ESR1: variants seen among roughly 807,000 people sequenced by gnomAD.
ESR1 encodes estrogen receptor.
ESR1 carries 12 observed loss-of-function variants against 52.7 expected under a neutral mutation model. The ratio of observed to expected loss-of-function variants is 0.23; its 90% confidence interval spans 0.15 to 0.37. The LOEUF (loss-of-function observed/expected upper bound fraction) is 0.37, where lower values mean the gene tolerates loss of function less well. Among genes scored for constraint, ESR1 ranks in the 10% least tolerant of loss-of-function variants. ESR1 has a pLI of 1.00. For missense variants in ESR1, 584 were observed against 779.7 expected (o/e 0.75, Z 2.99); for synonymous variants, 305 against 316.8 (o/e 0.96, Z 0.39).
chr6:151,822,054 G>T (rs1217152534), intron 1 of ESR1, among the ~76,000 whole-genome samples: 2 of 152,080 alleles, frequency 1.3e-5, no homozygotes, highest in Non-Finnish European at 2.9e-5. Flanking sequence ...TATCAGGATA[G>T]AATTTATAAC....
At chr6:151,951,249 T>C (rs535587835) in intron 4 of ESR1, among the ~76,000 whole-genome samples, 1 of 152,066 alleles carries the variant, frequency 6.6e-6, no homozygotes, top group Non-Finnish European at 1.5e-5. Flanking sequence ...TCCAATGTCG[T>C]TTTCCTACAG....
chr6:151,945,202 G>A (rs935697673), intron 4 of ESR1, among the ~76,000 whole-genome samples: 1 of 152,102 alleles, frequency 6.6e-6, no homozygotes, highest in Non-Finnish European at 1.5e-5. Flanking sequence ...TCCAGCCCAG[G>A]TGACAGAGCA....
intron 1 of ESR1, among the ~76,000 whole-genome samples, chr6:151,825,910 CAAAAAAAAA>C (rs3996305): frequency 7.7e-5 from 6 of 78,122 alleles, no homozygotes; most frequent in Admixed American, 1.3e-4. Context: ...GACTCCATCT[CAAAAAAAAA>C]AAAAAAAAAA....
chr6:151,683,306 G>A (rs911852591), intron 1 of ESR1, among the ~76,000 whole-genome samples: 1 of 152,150 alleles, frequency 6.6e-6, no homozygotes, highest in African/African-American at 2.4e-5. Flanking sequence ...AGGCTGCTCA[G>A]TAGCCCTGTA....
chr6:151,868,948 G>T (rs1449706608), intron 2 of ESR1, among the ~76,000 whole-genome samples: 2 of 152,146 alleles, frequency 1.3e-5, no homozygotes, highest in African/African-American at 4.8e-5. Context: ...CAGCTTGAGA[G>T]ACATGCATAT....
Position 152,102,982 on chromosome 6 carries a change from GTTC to G in ESR1, c.*4018_*4020del, listed in dbSNP as rs1368841462. ...AATAAGTGACATTATGCCAGTTTCTGTTCTCTCACAGGTGATAAACAATGCTTT... is the reference window on the plus strand; with the variant it reads ...AATAAGTGACATTATGCCAGTTTCTGTCTCACAGGTGATAAACAATGCTTT... On this transcript the variant is annotated 3_prime_UTR_variant, in exon 8 of 8. Transcript: ENST00000206249. The G allele has an allele frequency of 1.8e-5, 4 of 221,746 alleles. No individual in the cohort carries two copies. The highest frequency in any genetic ancestry group is 3.6e-5 in the Non-Finnish European group (4 of 110,658). The allele number at this position is 221,746 out of a possible 1,614,324, so 13.7% of individuals were successfully genotyped here.
chr6:151,780,276 G>A (rs1386578614), intron 2 of ESR1, among the ~76,000 whole-genome samples: 1 of 151,980 alleles, frequency 6.6e-6, no homozygotes, highest in Non-Finnish European at 1.5e-5. Context: ...GTTGATGGGT[G>A]CAGCAAACCA....
At position 151,968,216 on chromosome 6, in the gene ESR1, A is replaced by G. The variant is rs544852284; in HGVS notation, c.1096+23708A>G. Among the ~76,000 whole-genome samples the G allele has an allele frequency of 3.9e-5, 6 of 152,326 alleles. No homozygotes were observed. In the South Asian group the frequency reaches 1.2e-3, roughly 32 times the overall value. On this transcript the variant is annotated intron_variant, in intron 4 of 7. Transcript: ENST00000206249. ...ATGGTGTTGGGAAAACTGACTAGCC[A>G]TATGCAGAAAACTGAAACTGGACCC...
At chr6:151,857,953 C>T (rs1366450920) in intron 2 of ESR1, among the ~76,000 whole-genome samples, 1 of 152,158 alleles carries the variant, frequency 6.6e-6, no homozygotes, top group Non-Finnish European at 1.5e-5. Flanking sequence ...CCACAGTAAA[C>T]ATCTTTTACT....
At chr6:151,924,025 TTTGA>T (rs1172977106) in intron 3 of ESR1, among the ~76,000 whole-genome samples, 5 of 152,126 alleles carry the variant, frequency 3.3e-5, no homozygotes, top group African/African-American at 1.2e-4. Flanking sequence ...TGTAGTAGTG[TTTGA>T]TTGTTTTAAT....
chr6:151,812,220 G>A (rs1164764003), intron 1 of ESR1, among the ~76,000 whole-genome samples: 4 of 152,208 alleles, frequency 2.6e-5, no homozygotes, highest in African/African-American at 7.2e-5. Context: ...GATTGTATAT[G>A]TGAAAGTGGT....
At chr6:151,861,555 G>A (rs1007332888) in intron 2 of ESR1, among the ~76,000 whole-genome samples, 5 of 152,116 alleles carry the variant, frequency 3.3e-5, no homozygotes, top group Non-Finnish European at 7.3e-5. Flanking sequence ...AACTGTAGAT[G>A]AGCATTGTCC....
At chr6:151,658,490 A>C (rs1582826567) in intron 1 of ESR1, among the ~76,000 whole-genome samples, 1 of 152,232 alleles carries the variant, frequency 6.6e-6, no homozygotes, top group Non-Finnish European at 1.5e-5. Flanking sequence ...CTTATGCACC[A>C]AACTCTATTC....
intron 2 of ESR1, among the ~76,000 whole-genome samples, chr6:151,873,635 C>T (rs1791349335): frequency 1.3e-5 from 2 of 152,150 alleles, no homozygotes; most frequent in Non-Finnish European, 2.9e-5. Flanking sequence ...GTTGTCTGTA[C>T]CTTAACACCT....
At position 152,111,776 on chromosome 6, in the gene ESR1, A is replaced by G. The variant is rs2051139133; in HGVS notation, c.851-13490A>G. On this transcript the variant is annotated intron_variant, in intron 6 of 6. Coordinates refer to the ESR1 transcript ENST00000427531. ...CGGTAGCTGCTTTACACGTGGTCTC[A>G]GTGCCTTGAGGACGCCAGGCGCAGA... Among the ~76,000 whole-genome samples, 3 of 152,260 alleles carry G rather than the reference A, an allele frequency of 2.0e-5. No homozygotes were observed. In the South Asian group the frequency reaches 6.2e-4, roughly 32 times the overall value.
At chr6:152,038,897 G>A (rs1038470862) in intron 5 of ESR1, among the ~76,000 whole-genome samples, 3 of 151,982 alleles carry the variant, frequency 2.0e-5, no homozygotes, top group African/African-American at 7.3e-5. Flanking sequence ...CCAAAGTGGT[G>A]GATCCCAAAG....
At chr6:151,788,956 G>A (rs1194216484) in intron 2 of ESR1, among the ~76,000 whole-genome samples, 1 of 152,200 alleles carries the variant, frequency 6.6e-6, no homozygotes, top group Non-Finnish European at 1.5e-5. Context: ...CTATCAGAGG[G>A]TGGAGGGTGG....
chr6:152,013,883 C>A (rs1347472522), intron 5 of ESR1, among the ~76,000 whole-genome samples: 1 of 152,064 alleles, frequency 6.6e-6, no homozygotes, highest in South Asian at 2.1e-4. Context: ...TTCTTTCATT[C>A]TTTCTTGGTT....
intron 1 of ESR1, among the ~76,000 whole-genome samples, chr6:151,695,125 T>G (rs1234813989): frequency 6.6e-6 from 1 of 152,226 alleles, no homozygotes; most frequent in Non-Finnish European, 1.5e-5. Context: ...AGAAGACAAG[T>G]AGCTAGGAGC....
Sources: gnomAD v4.1 joint callset for allele counts (sites outside exome capture counted in the v4.1 genomes callset) on GRCh38, gnomAD v4.1.1 for gene constraint, MANE v1.5 for transcripts, NCBI Gene and HGNC (gene_info 2026-07-23, HGNC 2026-07-21) for gene names.